Variants in LRRC69 observed in about 807,000 individuals in gnomAD.
The protein encoded by LRRC69 is leucine rich repeat containing 69, also known as leucine-rich repeat-containing protein 69.
LRRC69 carries 42 observed loss-of-function variants against 37.8 expected under a neutral mutation model. The ratio of observed to expected loss-of-function variants is 1.11; its 90% CI spans 0.87 to 1.44. The LOEUF is 1.44. Among genes scored for constraint, LRRC69 ranks in the 40% most tolerant of loss-of-function variants. The pLI, the probability that LRRC69 is intolerant of heterozygous loss-of-function variation, is 0.00. For synonymous variants in LRRC69, 141 were observed against 143.1 expected (o/e 0.99, Z 0.11); for missense variants, 357 against 401.9 (o/e 0.89, Z 0.96).
chr8:91,196,100 A>G (rs948842919), intron 6 of LRRC69, among the ~76,000 whole-genome samples: 1 of 151,754 alleles, frequency 6.6e-6, no homozygotes, highest in African/African-American at 2.4e-5. Flanking sequence ...TCCTTCACTT[A>G]TGAAGCTTAG....
At chr8:91,157,415 C>A (rs1293983719) in intron 5 of LRRC69, 1 of 1,607,434 alleles carries the variant, frequency 6.2e-7, no homozygotes, top group East Asian at 2.2e-5. Flanking sequence ...GCTGTGGATC[C>A]CACTAAAGAT....
chr8:91,192,668 C>A (rs1348228790), intron 6 of LRRC69, among the ~76,000 whole-genome samples: 1 of 152,042 alleles, frequency 6.6e-6, no homozygotes, highest in Non-Finnish European at 1.5e-5. Context: ...CTATTCATGT[C>A]CTTTGCCGAA....
chr8:91,135,302 G>A lies in LRRC69; in HGVS notation c.580-366G>A, dbSNP rs573654925. Among the ~76,000 whole-genome samples the A allele has an allele frequency of 1.2e-4, 18 of 152,138 alleles. No individual in the cohort carries two copies. The East Asian group carries it at 1.7e-3, about 15-fold the overall frequency. The stretch of plus-strand genomic sequence containing the variant: ...AACTTAAGTAATCCATTCAACAACC[G>A]TATGACTTAAGGGCTTCTATTAGCA... On this transcript the variant is annotated intron_variant, in intron 4 of 7. Transcript: ENST00000448384.
At chr8:91,151,991 T>G (rs1398498356) in intron 5 of LRRC69, among the ~76,000 whole-genome samples, 1 of 151,760 alleles carries the variant, frequency 6.6e-6, no homozygotes, top group Non-Finnish European at 1.5e-5. Flanking sequence ...TTGATGTTTA[T>G]TTTTCTTGCA....
intron 3 of LRRC69, among the ~76,000 whole-genome samples, chr8:91,131,945 G>A (rs1363453194): frequency 6.6e-6 from 1 of 151,470 alleles, no homozygotes; most frequent in Non-Finnish European, 1.5e-5. Flanking sequence ...CTTTCTGTTG[G>A]CTTCCTCTCT....
intron 5 of LRRC69, among the ~76,000 whole-genome samples, chr8:91,161,220 A>G (rs1468973654): frequency 2.0e-5 from 3 of 151,168 alleles, no homozygotes; most frequent in African/African-American, 4.8e-5. Flanking sequence ...AGGTTTTTGC[A>G]TCTGTGTTCA....
chr8:91,134,626 T>C (rs185642446), intron 4 of LRRC69, among the ~76,000 whole-genome samples: 4 of 151,948 alleles, frequency 2.6e-5, no homozygotes, highest in African/African-American at 2.4e-5. Flanking sequence ...AATAAAGCTT[T>C]ACCAGCATTG....
intron 7 of LRRC69, chr8:91,209,559 A>G (rs569523444): frequency 2.8e-4 from 43 of 152,392 alleles, no homozygotes; most frequent in African/African-American, 9.9e-4. Flanking sequence ...GTGCTATAGA[A>G]TATTCTTTGG....
At chr8:91,183,346 G>A (rs1035759895) in intron 5 of LRRC69, among the ~76,000 whole-genome samples, 3 of 152,134 alleles carry the variant, frequency 2.0e-5, no homozygotes, top group Non-Finnish European at 2.9e-5. Context: ...AAGATAACTC[G>A]GTCTAAGGTA....
At chr8:91,180,788 A>C (rs972070952) in intron 5 of LRRC69, among the ~76,000 whole-genome samples, 1 of 152,176 alleles carries the variant, frequency 6.6e-6, no homozygotes, top group Admixed American at 6.5e-5. Flanking sequence ...CAAAGAATCT[A>C]CACAACCTGG....
intron 3 of LRRC69, 151 bp from the exon 4 acceptor site, chr8:91,132,959 G>C (rs1327372952): frequency 4.1e-6 from 2 of 483,050 alleles, no homozygotes; most frequent in Non-Finnish European, 7.0e-6. Flanking sequence ...TTATACTCAT[G>C]ATCACAATAG....
chr8:91,102,911 G>A, intron 1 of LRRC69, 67 bp downstream of exon 1: 1 of 1,407,196 alleles, frequency 7.1e-7, no homozygotes. Flanking sequence ...GAGAAAAAAG[G>A]GGTAAGAGAC....
At chr8:91,122,457 A>G (rs1813643164) in intron 1 of LRRC69, among the ~76,000 whole-genome samples, 2 of 152,074 alleles carry the variant, frequency 1.3e-5, no homozygotes, top group African/African-American at 4.8e-5. Context: ...AACACAGCCT[A>G]CTTCACATCT....
intron 5 of LRRC69, among the ~76,000 whole-genome samples, chr8:91,154,571 A>G (rs771626323): frequency 3.3e-5 from 5 of 151,986 alleles, no homozygotes; most frequent in Non-Finnish European, 5.9e-5. Context: ...CTGGTTCAAC[A>G]TATGCAAATC....
At chr8:91,196,179 C>G (rs1316340995) in intron 6 of LRRC69, among the ~76,000 whole-genome samples, 4 of 152,004 alleles carry the variant, frequency 2.6e-5, no homozygotes, top group African/African-American at 9.7e-5. Flanking sequence ...GGCCCCCACT[C>G]TCTTCTGGCT....
intron 5 of LRRC69, among the ~76,000 whole-genome samples, chr8:91,186,206 A>C (rs1809405289): frequency 1.3e-5 from 2 of 152,178 alleles, no homozygotes; most frequent in Admixed American, 6.5e-5. Context: ...CTAGGCATTG[A>C]ATTTTGAGCT....
intron 1 of LRRC69, among the ~76,000 whole-genome samples, chr8:91,123,105 A>C (rs761211169): frequency 6.6e-6 from 1 of 152,084 alleles, no homozygotes; most frequent in Non-Finnish European, 1.5e-5. Flanking sequence ...GCTGACTCTG[A>C]AAGTTAGGAA....
chr8:91,114,078 T>G (rs896016670), intron 1 of LRRC69, among the ~76,000 whole-genome samples: 1 of 148,580 alleles, frequency 6.7e-6, no homozygotes, highest in Non-Finnish European at 1.5e-5. Context: ...ACTTCACTAA[T>G]CATCAATGAA....
At chr8:91,172,267 A>T (rs1809147148) in intron 5 of LRRC69, among the ~76,000 whole-genome samples, 1 of 151,936 alleles carries the variant, frequency 6.6e-6, no homozygotes, top group South Asian at 2.1e-4. Flanking sequence ...TCCCTTAGGA[A>T]ATATATCTAG....
Sources: allele counts gnomAD v4.1 joint callset (sites outside exome capture counted in the v4.1 genomes callset), GRCh38; gene constraint gnomAD v4.1.1; transcripts MANE v1.5; gene names NCBI Gene and HGNC (gene_info 2026-07-23, HGNC 2026-07-21).